ANKRD17: variants seen among roughly 807,000 people sequenced by gnomAD.
ANKRD17 encodes ankyrin repeat domain-containing protein 17.
In ANKRD17, 19 loss-of-function variants were observed where a neutral mutation model predicts 229.7. The ratio of observed to expected loss-of-function variants is 0.08; its 90% CI spans 0.06 to 0.12. ANKRD17 has a LOEUF of 0.12. ANKRD17 is among the 10% of genes least tolerant of loss of function. The pLI is 1.00. For synonymous variants in ANKRD17, 1,112 were observed against 1,146.1 expected, an observed-to-expected ratio of 0.97 and a Z score of 0.60; for missense variants, 2,176 against 3,176.8, an observed-to-expected ratio of 0.68 and a Z score of 7.57.
At chr4:73,199,015 T>C (rs1159444117) in intron 1 of ANKRD17, among the ~76,000 whole-genome samples, 3 of 152,200 alleles carry the variant, frequency 2.0e-5, no homozygotes, top group East Asian at 3.8e-4. Context: ...AGAAAACTTC[T>C]ATAGTATGCT....
At chr4:73,173,555 A>T (rs191266125) in intron 2 of ANKRD17, among the ~76,000 whole-genome samples, 102 of 152,306 alleles carry the variant, frequency 6.7e-4, no homozygotes, top group Middle Eastern at 3.4e-3. Context: ...TACCAGGAAA[A>T]CCAAAATAAT....
At chr4:73,082,341 A>G (rs2110105478) in intron 30 of ANKRD17, among the ~76,000 whole-genome samples, 1 of 152,144 alleles carries the variant, frequency 6.6e-6, no homozygotes, top group South Asian at 2.1e-4. Context: ...TAAAAACATT[A>G]GCTGGGTGCT....
Position 73,077,471 on chromosome 4 carries a change from G to C in ANKRD17, c.7471C>G (p.Pro2491Ala). The C allele has an allele frequency of 6.2e-7, 1 of 1,613,522 alleles. No homozygotes were observed. Among genetic ancestry groups the C allele is most frequent in the Non-Finnish European group, 8.5e-7 (1 of 1,179,762 alleles). The change falls in exon 32 of 34, where the codon CCA becomes GCA. Residue 2491 changes from proline to alanine, a missense_variant. By Grantham distance (27) the Pro-to-Ala change is conservative. Coordinates refer to ENST00000358602, the MANE Select transcript of ANKRD17 (RefSeq NM_032217.5). ...NPMIHRPMSD[P>A]GVFSQHQAME... ...GCTTGATGTTGTGAAAATACTCCTG[G>C]GTCAGACATCGGTCTGTGGATCATA...
At chr4:73,083,941 AC>A (rs1393088762) in intron 30 of ANKRD17, among the ~76,000 whole-genome samples, 1 of 151,592 alleles carries the variant, frequency 6.6e-6, no homozygotes, top group Non-Finnish European at 1.5e-5. Context: ...AAAAAAAAAA[AC>A]AAAACAAAAA....
chr4:73,134,554 T>C (rs1339776169), intron 16 of ANKRD17, among the ~76,000 whole-genome samples: 4 of 152,148 alleles, frequency 2.6e-5, no homozygotes, highest in Non-Finnish European at 5.9e-5. Context: ...GCTCTCAAAC[T>C]TTCTAAAGCT....
At chr4:73,093,461 TCTGCCTCCCAGGTTCAAGCAATTCTC>T (rs1371547502) in intron 28 of ANKRD17, among the ~76,000 whole-genome samples, 2 of 135,532 alleles carry the variant, frequency 1.5e-5, no homozygotes, top group Non-Finnish European at 3.0e-5. Flanking sequence ...CACCGCAACC[TCTGCCTCCCAGGTTCAAGCAATTCTC>T]CTGCCTCAGC....
At chr4:73,223,471 T>C (rs898817511) in intron 1 of ANKRD17, among the ~76,000 whole-genome samples, 3 of 152,228 alleles carry the variant, frequency 2.0e-5, no homozygotes, top group Non-Finnish European at 4.4e-5. Flanking sequence ...GGAGGCATGA[T>C]AATGCCAAGT....
At chr4:73,172,113 C>A (rs1300884523) in intron 2 of ANKRD17, among the ~76,000 whole-genome samples, 2 of 152,034 alleles carry the variant, frequency 1.3e-5, no homozygotes, top group Non-Finnish European at 2.9e-5. Flanking sequence ...AGAAGACTAC[C>A]CCAAGGCACT....
At chr4:73,179,836 T>C (rs1560667039) in intron 1 of ANKRD17, among the ~76,000 whole-genome samples, 1 of 151,962 alleles carries the variant, frequency 6.6e-6, no homozygotes, top group Non-Finnish European at 1.5e-5. Context: ...GACTAAAGTA[T>C]TATACTTTAG....
intron 1 of ANKRD17, among the ~76,000 whole-genome samples, chr4:73,189,789 A>C (rs1477292203): frequency 6.6e-6 from 1 of 152,110 alleles, no homozygotes; most frequent in East Asian, 1.9e-4. Flanking sequence ...TTGTTCTTGG[A>C]TACTTGCTTA....
chr4:73,156,222 A>G (rs1731639093), intron 3 of ANKRD17, 56 bp from the exon 4 acceptor site: 1 of 1,522,442 alleles, frequency 6.6e-7, no homozygotes, highest in Admixed American at 2.4e-5. Context: ...AAAATTGCAC[A>G]GCATAAATAT....
chr4:73,184,781 A>G (rs577167992), intron 1 of ANKRD17, among the ~76,000 whole-genome samples: 3 of 152,322 alleles, frequency 2.0e-5, no homozygotes, highest in African/African-American at 4.8e-5. Flanking sequence ...TACTAAACAG[A>G]TACTAATACA....
At chr4:73,164,889 G>C (rs1482309585) in intron 2 of ANKRD17, among the ~76,000 whole-genome samples, 1 of 149,184 alleles carries the variant, frequency 6.7e-6, no homozygotes, top group Non-Finnish European at 1.5e-5. Flanking sequence ...TCAGATAGAG[G>C]GCACATTAAA....
chr4:73,123,583 A>G (rs1039896564), intron 18 of ANKRD17, among the ~76,000 whole-genome samples: 1 of 152,114 alleles, frequency 6.6e-6, no homozygotes, highest in Non-Finnish European at 1.5e-5. Context: ...AAAAATGCCT[A>G]TATTATCACT....
intron 2 of ANKRD17, among the ~76,000 whole-genome samples, chr4:73,174,263 G>A (rs1257563319): frequency 6.6e-6 from 1 of 152,200 alleles, no homozygotes; most frequent in Non-Finnish European, 1.5e-5. Context: ...CACCAGGAAT[G>A]CAGAGATGGT....
intron 6 of ANKRD17, 96 bp downstream of exon 6, chr4:73,153,784 C>A (rs1731305576): frequency 1.5e-5 from 13 of 873,980 alleles, no homozygotes; most frequent in African/African-American, 3.4e-5. Flanking sequence ...TATATACTAT[C>A]ATTGTTTTAT....
At chr4:73,216,332 T>G (rs1231616940) in intron 1 of ANKRD17, among the ~76,000 whole-genome samples, 1 of 152,174 alleles carries the variant, frequency 6.6e-6, no homozygotes, top group Non-Finnish European at 1.5e-5. Flanking sequence ...CTATAATTTC[T>G]AATATAGTAA....
intron 23 of ANKRD17, among the ~76,000 whole-genome samples, chr4:73,115,264 A>C (rs974424706): frequency 6.6e-6 from 1 of 152,130 alleles, no homozygotes; most frequent in African/African-American, 2.4e-5. Context: ...TTCACATAAA[A>C]ATTAAATTAG....
In ANKRD17 at chr4:73,090,808, C is replaced by A. The variant is rs1722722316; in HGVS notation, c.6820G>T (p.Val2274Phe). 2 of 1,614,012 alleles carry A rather than the reference C, an allele frequency of 1.2e-6. No homozygotes were observed. Among genetic ancestry groups the A allele is most frequent in the Admixed American group, 3.3e-5 (2 of 60,002 alleles). ...GATTCTGGTGTTGACTGAGATGAAA[C>A]AACAGATCCTCCCCAGAAGGCATGA... Reference protein sequence around the residue: ...SAHAFWGGSVVSSQSTPESML... With the variant: ...SAHAFWGGSVFSSQSTPESML... Residue 2274 changes from valine to phenylalanine, a missense_variant, in exon 29 of 34, where the codon GTT becomes TTT. Physicochemically the swap from Val to Phe is conservative, Grantham distance 50. This residue lies in a region of ANKRD17 where 424 missense variants were observed against 454.0 expected (regional missense o/e 0.93). Coordinates refer to ENST00000358602, the MANE Select transcript of ANKRD17 (RefSeq NM_032217.5).
Sources: gnomAD v4.1 joint callset for allele counts (sites outside exome capture counted in the v4.1 genomes callset) on GRCh38, gnomAD v4.1.1 for gene constraint, gnomAD v4.1.1 regional missense constraint, MANE v1.5 for transcripts, NCBI Gene and HGNC (gene_info 2026-07-23, HGNC 2026-07-21) for gene names.